The following SLC38A4 variants were observed in gnomAD, a reference collection of about 807,000 sequenced individuals.
The protein encoded by SLC38A4 is sodium-coupled neutral amino acid transporter 4.
SLC38A4 carries 20 observed loss-of-function variants against 63.1 expected under a neutral mutation model. The observed-to-expected ratio is 0.32, with a 90% CI of 0.22 to 0.46. The LOEUF (loss-of-function observed/expected upper bound fraction) is 0.46. SLC38A4 is among the 20% of genes least tolerant of loss of function. SLC38A4 has a pLI of 1.00. For missense variants in SLC38A4, 526 were observed against 663.6 expected (o/e 0.79, Z 2.28); for synonymous variants, 230 against 225.5 (o/e 1.02, Z -0.18).
At chr12:46,832,133 G>T (rs1291895245) in intron 1 of SLC38A4, among the ~76,000 whole-genome samples, 1 of 152,072 alleles carries the variant, frequency 6.6e-6, no homozygotes, top group East Asian at 1.9e-4. Flanking sequence ...AAAATAATAA[G>T]AATTAGGAAC....
intron 16 of SLC38A4, among the ~76,000 whole-genome samples, chr12:46,767,984 T>C (rs998658826): frequency 6.6e-6 from 1 of 152,090 alleles, no homozygotes; most frequent in African/African-American, 2.4e-5. Context: ...GGGAGCCTAA[T>C]TCCTTCTTGC....
intron 14 of SLC38A4, among the ~76,000 whole-genome samples, chr12:46,769,668 G>GAC (rs1352993603): frequency 2.0e-5 from 3 of 151,968 alleles, no homozygotes; most frequent in African/African-American, 7.3e-5. Context: ...GTCAACAACA[G>GAC]ACCACATATA....
chr12:46,808,249 G>A (rs769594696), intron 1 of SLC38A4, among the ~76,000 whole-genome samples: 2 of 151,892 alleles, frequency 1.3e-5, no homozygotes, highest in Non-Finnish European at 2.9e-5. Flanking sequence ...GAGAGGCTCT[G>A]ATTTTCCATT....
intron 7 of SLC38A4, among the ~76,000 whole-genome samples, chr12:46,780,356 T>A (rs1203397564): frequency 6.6e-6 from 1 of 151,964 alleles, no homozygotes. Context: ...TGTGTTAGTG[T>A]CTATAACTTG....
At chr12:46,826,665 G>A (rs1010817686), upstream of SLC38A4, among the ~76,000 whole-genome samples, 3 of 152,140 alleles carry the variant, frequency 2.0e-5, no homozygotes, top group Non-Finnish European at 4.4e-5. Flanking sequence ...GCAAAAAGTG[G>A]GAGAGCCAAA....
At chr12:46,803,912 C>T (rs903593695) in intron 1 of SLC38A4, 118 bp from the exon 2 acceptor site, 1 of 151,950 alleles carries the variant, frequency 6.6e-6, no homozygotes, top group African/African-American at 2.4e-5. Context: ...ATAAAATAAT[C>T]ACTGAAAGTT....
At position 46,784,553 on chromosome 12, in the gene SLC38A4, T is replaced by G; in HGVS notation, c.482A>C (p.Gln161Pro). ...KIGAFVSITM[Q>P]NIGAMSSYLF... ...GTATATCCCCTTACCTCCAATGTTC[T>G]GCATTGTAATGGAAACAAAAGCTCC... The change falls in exon 7 of 17, where the codon CAG (glutamine) becomes CCG (proline). Residue 161 changes from glutamine to proline, a missense_variant. Coordinates refer to ENST00000266579, the MANE Select transcript of SLC38A4 (RefSeq NM_018018.5). 1 of 1,612,396 alleles carries G rather than the reference T, an allele frequency of 6.2e-7. No homozygotes were observed. The highest frequency in any genetic ancestry group is 8.5e-7 in the Non-Finnish European group (1 of 1,179,028).
upstream of SLC38A4, among the ~76,000 whole-genome samples, chr12:46,829,449 A>G (rs1235704281): frequency 2.0e-5 from 1 of 49,280 alleles, no homozygotes; most frequent in Admixed American, 1.6e-4. Context: ...AAAAAGTAAA[A>G]AAAAAAAAAA....
rs1314086680 is a variant in SLC38A4, at chr12:46,764,929, C to T, written c.*1772G>A. The T allele has an allele frequency of 1.3e-5, 2 of 152,482 alleles. No homozygotes were observed. Among genetic ancestry groups the T allele is most frequent in the African/African-American group, 4.8e-5 (2 of 41,414 alleles). The allele number at this position is 152,482 out of a possible 1,614,324, so 9.4% of individuals were successfully genotyped here. On this transcript the variant is annotated 3_prime_UTR_variant, in exon 17 of 17. Coordinates refer to ENST00000266579, the MANE Select transcript of SLC38A4 (RefSeq NM_018018.5). ...ACAAGCTATCATATGTATGTCTGCC[C>T]TGCAGTATATATGAATTTTAATCCT...
chr12:46,815,435 T>A (rs1441913986), intron 1 of SLC38A4, among the ~76,000 whole-genome samples: 1 of 151,472 alleles, frequency 6.6e-6, no homozygotes, highest in Non-Finnish European at 1.5e-5. Flanking sequence ...TTCCCTTTCT[T>A]CCTTTTTTAT....
Position 46,824,787 on chromosome 12 carries a change from A to T in SLC38A4, c.-305+1116T>A, listed in dbSNP as rs939226434. On this transcript the variant is annotated intron_variant, in intron 1 of 16. Transcript: ENST00000266579. ...GGAGATAATGATAAAGAGGTGGAAC[A>T]AGGGAGATCTTATGCAAGATACAGG... Among the ~76,000 whole-genome samples the T allele has an allele frequency of 2.0e-5, 3 of 152,340 alleles. No individual in the cohort carries two copies. The South Asian group carries it at 6.2e-4, about 32-fold the overall frequency.
Position 46,766,489 on chromosome 12 carries a change from C to A in SLC38A4, c.*212G>T. 3 of 648,880 alleles carry A rather than the reference C, an allele frequency of 4.6e-6. No individual in the cohort carries two copies. The highest frequency in any genetic ancestry group is 8.6e-6 in the Non-Finnish European group (3 of 350,396). 40.2% of individuals were successfully genotyped at this position (648,880 alleles called of 1,614,324 possible). On this transcript the variant is annotated 3_prime_UTR_variant, in exon 17 of 17. Transcript: ENST00000266579. ...AGCAAAACCTGGGTAGAAATGTGCA[C>A]CACAGGTTTTATTTTAAACACATAC...
At chr12:46,818,093 G>T (rs1939475941) in intron 1 of SLC38A4, among the ~76,000 whole-genome samples, 1 of 151,846 alleles carries the variant, frequency 6.6e-6, no homozygotes, top group East Asian at 1.9e-4. Flanking sequence ...AATAAGACCT[G>T]CATGTTCATC....
At chr12:46,815,284 T>TAC (rs369027203) in intron 1 of SLC38A4, among the ~76,000 whole-genome samples, 2,262 of 82,394 alleles carry the variant, frequency 0.027, 84 homozygotes, top group East Asian at 0.075. Context: ...TATATATATA[T>TAC]ACACACACAC....
chr12:46,801,451 A>G (rs959460429), intron 2 of SLC38A4, among the ~76,000 whole-genome samples: 2 of 152,068 alleles, frequency 1.3e-5, no homozygotes, highest in Admixed American at 6.6e-5. Context: ...GTAAACATTT[A>G]TTTTACCTGA....
At chr12:46,795,430 T>C (rs768360582) in intron 2 of SLC38A4, among the ~76,000 whole-genome samples, 1 of 152,122 alleles carries the variant, frequency 6.6e-6, no homozygotes, top group Non-Finnish European at 1.5e-5. Context: ...TTTGACTACA[T>C]AATAAGTGAA....
intron 1 of SLC38A4, among the ~76,000 whole-genome samples, chr12:46,819,808 A>G (rs1037206444): frequency 6.6e-6 from 1 of 151,942 alleles, no homozygotes; most frequent in Non-Finnish European, 1.5e-5. Context: ...GAACTACTAC[A>G]CATAGTTTTC....
At chr12:46,811,612 A>G (rs955348939) in intron 1 of SLC38A4, among the ~76,000 whole-genome samples, 7 of 152,078 alleles carry the variant, frequency 4.6e-5, no homozygotes, top group Non-Finnish European at 7.4e-5. Flanking sequence ...AGTCCAGCTC[A>G]GCAGTTCCAC....
chr12:46,816,890 A>T (rs1939451376), intron 1 of SLC38A4, among the ~76,000 whole-genome samples: 1 of 151,878 alleles, frequency 6.6e-6, no homozygotes, highest in Admixed American at 6.6e-5. Flanking sequence ...AATTCTGATG[A>T]AAAATTCAGA....
Sources: gnomAD v4.1 joint callset for allele counts (sites outside exome capture counted in the v4.1 genomes callset) on GRCh38, gnomAD v4.1.1 for gene constraint, MANE v1.5 for transcripts, NCBI Gene and HGNC (gene_info 2026-07-23, HGNC 2026-07-21) for gene names.